GRID2IP: variants seen among roughly 807,000 people sequenced by gnomAD.
GRID2IP encodes delphilin.
Under a neutral mutation model 114.3 loss-of-function variants are expected in GRID2IP, and 78 were observed. The observed-to-expected ratio is 0.68, with a 90% CI of 0.57 to 0.82. The LOEUF is 0.82. Among genes scored for constraint, GRID2IP ranks in the 40% least tolerant of loss-of-function variants. GRID2IP has a pLI of 0.00. For synonymous variants in GRID2IP, 809 were observed against 724.0 expected (o/e 1.12, Z -1.89); for missense variants, 1,727 against 1,678.5 (o/e 1.03, Z -0.51).
chr7:6,549,982 C>A, intron 1 of GRID2IP, among the ~76,000 whole-genome samples: 1 of 151,980 alleles, frequency 6.6e-6, no homozygotes, highest in African/African-American at 2.4e-5. Flanking sequence ...ATATCTGTGG[C>A]TCTTTTTATT....
intron 1 of GRID2IP, among the ~76,000 whole-genome samples, chr7:6,541,428 C>T (rs2115098316): frequency 6.6e-6 from 1 of 152,316 alleles, no homozygotes; most frequent in East Asian, 1.9e-4. Flanking sequence ...AACATTCTGA[C>T]TCCACAAAAA....
chr7:6,524,997 C>T (rs796623673), intron 4 of GRID2IP, among the ~76,000 whole-genome samples: 43 of 152,024 alleles, frequency 2.8e-4, no homozygotes, highest in African/African-American at 1.0e-3. Flanking sequence ...CCCCGGCCAA[C>T]CTCATCTCTT....
chr7:6,510,810 C>T, intron 9 of GRID2IP, 98 bp downstream of exon 9: 1 of 1,478,962 alleles, frequency 6.8e-7, no homozygotes, highest in Non-Finnish European at 9.2e-7. Flanking sequence ...CTGAGCCCTG[C>T]TTAGCCCCAT....
Position 6,507,899 on chromosome 7 carries a change from T to C in GRID2IP, c.2544+86A>G, listed in dbSNP as rs1030568468. On this transcript the variant is annotated intron_variant, in intron 13 of 21. Coordinates refer to ENST00000457091, the MANE Select transcript of GRID2IP (RefSeq NM_001145118.2). The surrounding 1 kb of genome is among the most constrained non-coding windows in gnomAD (Gnocchi z 5.3). Reference sequence around the variant, plus strand: ...GGGTAGGGAGGATGATGTTGGAAGATGCCTGGCCGATGGGTTTTCCTTCAG... The same window carrying C: ...GGGTAGGGAGGATGATGTTGGAAGACGCCTGGCCGATGGGTTTTCCTTCAG... The C allele has an allele frequency of 8.3e-5, 126 of 1,509,028 alleles. No homozygotes were observed. Among genetic ancestry groups the C allele is most frequent in the Non-Finnish European group, 1.1e-4 (120 of 1,127,110 alleles). The allele number at this position is 1,509,028 out of a possible 1,614,324, so 93.5% of individuals were successfully genotyped here. A position where few individuals can be genotyped will look rare whatever the true frequency, so the allele number is the denominator to read the frequency against.
intron 20 of GRID2IP, among the ~76,000 whole-genome samples, chr7:6,499,757 G>T (rs912190330): frequency 6.6e-6 from 1 of 150,936 alleles, no homozygotes; most frequent in Non-Finnish European, 1.5e-5. Context: ...TTGAGACAGG[G>T]TCTCACTCTG....
chr7:6,504,179 A>C (rs1333805585), intron 15 of GRID2IP, among the ~76,000 whole-genome samples: 1 of 147,578 alleles, frequency 6.8e-6, no homozygotes, highest in Non-Finnish European at 1.5e-5. Context: ...GCCCGGGTGG[A>C]AAGAGGGCGG....
rs757161538 is a variant in GRID2IP at position 6,509,168 on chromosome 7, G to C, written c.1917C>G (p.Pro639=). 1 of 1,473,418 alleles carries C rather than the reference G, an allele frequency of 6.8e-7. No individual in the cohort carries two copies. The highest frequency in any genetic ancestry group is 9.0e-7 in the Non-Finnish European group (1 of 1,110,596). 91.3% of individuals were successfully genotyped at this position (1,473,418 alleles called of 1,614,324 possible). A position where few individuals can be genotyped will look rare whatever the true frequency, so the allele number is the denominator to read the frequency against. ...PYASLDSSRA[P]SPQPGPGPIC... is the part of the protein sequence containing the mutation. ...TGGGCCCGGGGCCTGGCTGTGGGGAGGGTGCCCTGCTGCTGTCCAGGCTGG... is the reference window on the plus strand; with the variant it reads ...TGGGCCCGGGGCCTGGCTGTGGGGACGGTGCCCTGCTGCTGTCCAGGCTGG... Residue 639 remains proline, a synonymous_variant, in exon 12 of 22, where the codon CCC becomes CCG. Coordinates refer to ENST00000457091, the MANE Select transcript of GRID2IP (RefSeq NM_001145118.2). This position sits in a 1 kb window ranked among gnomAD's most constrained non-coding sequence, Gnocchi z 4.9.
chr7:6,514,530 C>G lies in GRID2IP; in HGVS notation c.1269-1G>C, dbSNP rs1200655535. The G allele has an allele frequency of 2.0e-6, 3 of 1,515,320 alleles. No homozygotes were observed. In the Admixed American group the frequency reaches 6.2e-5, roughly 31 times the overall value. 93.9% of individuals were successfully genotyped at this position (1,515,320 alleles called of 1,614,324 possible). A position where few individuals can be genotyped will look rare whatever the true frequency, so the allele number is the denominator to read the frequency against. On this transcript the variant is annotated splice_acceptor_variant, in intron 7 of 21. Coordinates refer to ENST00000457091, the MANE Select transcript of GRID2IP (RefSeq NM_001145118.2). LOFTEE classifies it high-confidence loss of function. ...GTCAACGATGAGGGTGTCGATGTTC[C>G]TGGGGGAAGGTGCAGGAATGTGAGG...
intron 1 of GRID2IP, among the ~76,000 whole-genome samples, chr7:6,550,167 T>A (rs1213772757): frequency 4.6e-5 from 7 of 150,890 alleles, no homozygotes; most frequent in Non-Finnish European, 8.9e-5. Context: ...AGTTTTTGAT[T>A]TTTTTTGTAG....
At chr7:6,550,979 C>CGA in intron 1 of GRID2IP, 29 bp downstream of exon 1, 1 of 1,151,966 alleles carries the variant, frequency 8.7e-7, no homozygotes, top group Non-Finnish European at 1.1e-6. Flanking sequence ...CCCTCCTTCC[C>CGA]GCCCCCACCT....
In GRID2IP at chr7:6,520,117, C is replaced by A. The variant is rs1202002510; in HGVS notation, c.1268+461G>T. Among the ~76,000 whole-genome samples, 2 of 151,998 alleles carry A rather than the reference C, an allele frequency of 1.3e-5. No individual in the cohort carries two copies. Among genetic ancestry groups the A allele is most frequent in the East Asian group, 3.9e-4 (2 of 5,170 alleles). ...AGTGAAACCCTGTCTCTAGTAAAACCCTGTCTCTAGTAAAAATACAAAAAA... is the reference window on the plus strand; with the variant it reads ...AGTGAAACCCTGTCTCTAGTAAAACACTGTCTCTAGTAAAAATACAAAAAA... On this transcript the variant is annotated intron_variant, in intron 7 of 21. Transcript: ENST00000457091. This position sits in a 1 kb window ranked among gnomAD's most constrained non-coding sequence, Gnocchi z 4.6.
In GRID2IP at chr7:6,510,347, C is replaced by G. The variant is rs1320172358; in HGVS notation, c.1707G>C (p.Gly569=). Residue 569 remains glycine (G), a synonymous_variant, in exon 11 of 22, where the codon GGG becomes GGC. Coordinates refer to ENST00000457091, the MANE Select transcript of GRID2IP (RefSeq NM_001145118.2). ...LESRLNSSFK[G]KMGTVSKSRA... is the part of the protein sequence containing the mutation. ...GGGATTTGGACACGGTCCCCATCTT[C>G]CCTTTGAAGCTGCTGTTCAGTCGAG... 1 of 1,547,246 alleles carries G rather than the reference C, an allele frequency of 6.5e-7. No homozygotes were observed. The highest frequency in any genetic ancestry group is 8.7e-7 in the Non-Finnish European group (1 of 1,145,124).
Position 6,502,776 on chromosome 7 carries a change from G to C in GRID2IP, c.3150+10C>G. The C allele has an allele frequency of 6.5e-7, 1 of 1,547,178 alleles. No homozygotes were observed. The highest frequency in any genetic ancestry group is 1.2e-5 in the South Asian group (1 of 83,976). On this transcript the variant is annotated intron_variant, in intron 18 of 21. Transcript: ENST00000457091. ...CAAACCAGTCGATTGCTGCCGGCAG[G>C]TCCCCTCACCTCTGTCAGAAAGTTG...
chr7:6,543,193 G>C (rs1004238611), intron 1 of GRID2IP, among the ~76,000 whole-genome samples: 2 of 152,060 alleles, frequency 1.3e-5, no homozygotes, highest in South Asian at 2.1e-4. Flanking sequence ...TTAGGAGTTC[G>C]AGACCAGCCT....
At position 6,509,446 on chromosome 7, in the gene GRID2IP, G is replaced by T; in HGVS notation, c.1772-133C>A. The T allele has an allele frequency of 1.3e-6, 1 of 789,864 alleles. No homozygotes were observed. The highest frequency in any genetic ancestry group is 1.9e-6 in the Non-Finnish European group (1 of 538,730). The allele number at this position is 789,864 out of a possible 1,614,324, so 48.9% of individuals were successfully genotyped here. ...TCTCCTTTCCCTCTCTGGGCACAGT[G>T]CAGGAAGACCTTGAGCGGCCCTGCC... On this transcript the variant is annotated intron_variant, in intron 11 of 21. Transcript: ENST00000457091. The surrounding 1 kb of genome is among the most constrained non-coding windows in gnomAD (Gnocchi z 4.9).
intron 2 of GRID2IP, among the ~76,000 whole-genome samples, chr7:6,535,137 G>A (rs1479904892): frequency 6.6e-6 from 1 of 152,052 alleles, no homozygotes; most frequent in African/African-American, 2.4e-5. Context: ...CACCCGCCTC[G>A]GCCTCCCAAA....
At position 6,499,355 on chromosome 7, in the gene GRID2IP, G is replaced by A. The variant is rs142659860; in HGVS notation, c.3400-1127C>T. Among the ~76,000 whole-genome samples the A allele has an allele frequency of 2.8e-3, 428 of 152,296 alleles. 2 individuals are homozygous for A. Among genetic ancestry groups the A allele is most frequent in the African/African-American group, 9.5e-3 (393 of 41,548 alleles). On this transcript the variant is annotated intron_variant, in intron 20 of 21. Transcript: ENST00000457091. ...TTGCCCATAGTCCCACAGCAGGTAA[G>A]GAAATGAGCCAGGATTTGGGCCTAT...
chr7:6,526,557 A>C lies in GRID2IP; in HGVS notation c.797T>G (p.Leu266Arg). ...CCCGGGGCCGGCGAGGCCGCCCACC[A>C]GCAAGGAGGCCCTGCGCGGGGGCGG... is the stretch of plus-strand genomic sequence containing the variant. ...DEPPPRRASL[L>R]VGGLAGPGGA... The change falls in exon 3 of 22, where the codon CTG (leucine) becomes CGG (arginine). Residue 266 changes from leucine to arginine, a missense_variant. By Grantham distance (102) the Leu-to-Arg change is moderately radical. Coordinates refer to ENST00000457091, the MANE Select transcript of GRID2IP (RefSeq NM_001145118.2). This position sits in a 1 kb window ranked among gnomAD's most constrained non-coding sequence, Gnocchi z 7.6. The C allele has an allele frequency of 8.2e-7, 1 of 1,217,052 alleles. No homozygotes were observed. The highest frequency in any genetic ancestry group is 1.0e-6 in the Non-Finnish European group (1 of 978,874). 75.4% of individuals were successfully genotyped at this position (1,217,052 alleles called of 1,614,324 possible).
At chr7:6,504,973 C>T in intron 14 of GRID2IP, 103 bp from the exon 15 acceptor site, 1 of 884,544 alleles carries the variant, frequency 1.1e-6, no homozygotes, top group Non-Finnish European at 1.8e-6. Context: ...TCCCCCTAAG[C>T]ACGACCTCGA....
Sources: gnomAD v4.1 joint callset for allele counts (sites outside exome capture counted in the v4.1 genomes callset) on GRCh38, gnomAD v4.1.1 for gene constraint, Gnocchi (gnomAD v3.1) non-coding constraint, MANE v1.5 for transcripts, NCBI Gene and HGNC (gene_info 2026-07-23, HGNC 2026-07-21) for gene names.